FARP1: variants seen among roughly 807,000 people sequenced by gnomAD.
The protein encoded by FARP1 is FERM, ARH/RhoGEF and pleckstrin domain protein 1.
FARP1 carries 52 observed loss-of-function variants against 128.8 expected under a neutral mutation model. The ratio of observed to expected loss-of-function variants is 0.40; its 90% CI spans 0.32 to 0.51. The LOEUF (loss-of-function observed/expected upper bound fraction) is 0.51. FARP1 is among the 20% of genes least tolerant of loss of function. FARP1 has a pLI of 0.45. For synonymous variants in FARP1, 580 were observed against 551.8 expected (o/e 1.05, Z -0.72); for missense variants, 1,333 against 1,367.9 (o/e 0.97, Z 0.40).
chr13:98,161,154 T>C (rs1159489306), intron 1 of FARP1, among the ~76,000 whole-genome samples: 3 of 152,186 alleles, frequency 2.0e-5, no homozygotes, highest in Non-Finnish European at 1.5e-5. Flanking sequence ...TTTTTCAAAT[T>C]GGTAATATAT....
intron 1 of FARP1, among the ~76,000 whole-genome samples, chr13:98,210,168 C>T (rs1170875497): frequency 2.6e-5 from 4 of 151,964 alleles, no homozygotes; most frequent in Admixed American, 6.6e-5. Flanking sequence ...GTGAGTGAGA[C>T]GCAGCTCACA....
chr13:98,147,031 T>C (rs1232257215), intron 1 of FARP1, among the ~76,000 whole-genome samples: 3 of 152,234 alleles, frequency 2.0e-5, no homozygotes, highest in African/African-American at 4.8e-5. Flanking sequence ...TTCAAATTAC[T>C]TGAAATACTG....
intron 2 of FARP1, among the ~76,000 whole-genome samples, chr13:98,236,357 A>G (rs375033757): frequency 6.6e-5 from 10 of 152,346 alleles, no homozygotes; most frequent in East Asian, 5.8e-4. Flanking sequence ...ATGTAAGGCC[A>G]TAAATCTAGT....
At chr13:98,283,074 G>A (rs1219516263) in intron 2 of FARP1, among the ~76,000 whole-genome samples, 3 of 152,094 alleles carry the variant, frequency 2.0e-5, no homozygotes, top group Admixed American at 2.0e-4. Flanking sequence ...GCATTTCTCT[G>A]TATAATGAAG....
chr13:98,424,201 G>C lies in FARP1; in HGVS notation c.1827-371G>C, dbSNP rs1382062857. Among the ~76,000 whole-genome samples, 3 of 152,228 alleles carry C rather than the reference G, an allele frequency of 2.0e-5. No individual in the cohort carries two copies. The East Asian group carries it at 5.8e-4, about 29-fold the overall frequency. ...TCTCTAGGATGGAATCTGTTTACAA[G>C]CTACTTATTGCAAATGATCTCTGTG... is the stretch of plus-strand genomic sequence containing the variant. On this transcript the variant is annotated intron_variant, in intron 16 of 26. Transcript: ENST00000319562.
At chr13:98,342,859 T>C (rs1791823166) in intron 2 of FARP1, among the ~76,000 whole-genome samples, 1 of 151,682 alleles carries the variant, frequency 6.6e-6, no homozygotes, top group South Asian at 2.1e-4. Flanking sequence ...ACCCCATCTC[T>C]ACTAAAAATA....
At chr13:98,159,321 A>G (rs1043290708) in intron 1 of FARP1, among the ~76,000 whole-genome samples, 1 of 152,242 alleles carries the variant, frequency 6.6e-6, no homozygotes, top group Admixed American at 6.5e-5. Context: ...CACACAGCTA[A>G]TAAGTGAAGT....
intron 2 of FARP1, among the ~76,000 whole-genome samples, chr13:98,258,101 G>A (rs1883698287): frequency 6.6e-6 from 1 of 152,074 alleles, no homozygotes; most frequent in Admixed American, 6.6e-5. Flanking sequence ...AGCCTCCCGA[G>A]TAGCTGAGGC....
intron 2 of FARP1, among the ~76,000 whole-genome samples, chr13:98,271,032 T>G (rs1231383395): frequency 3.3e-5 from 5 of 152,220 alleles, no homozygotes; most frequent in Non-Finnish European, 7.3e-5. Flanking sequence ...TCTCTTTTCA[T>G]GAAGACGATT....
At chr13:98,280,482 C>T (rs1301126004) in intron 2 of FARP1, among the ~76,000 whole-genome samples, 5 of 152,224 alleles carry the variant, frequency 3.3e-5, no homozygotes, top group Non-Finnish European at 5.9e-5. Flanking sequence ...ATGTGCTCCC[C>T]GCTCACCCCA....
intron 1 of FARP1, among the ~76,000 whole-genome samples, chr13:98,210,662 GC>G (rs1880642139): frequency 6.6e-6 from 1 of 151,594 alleles, no homozygotes; most frequent in African/African-American, 2.4e-5. Flanking sequence ...CCATTCTCCT[GC>G]CTCAGCCTCC....
At chr13:98,287,851 C>A (rs1279248238) in intron 2 of FARP1, among the ~76,000 whole-genome samples, 12 of 140,602 alleles carry the variant, frequency 8.5e-5, no homozygotes, top group Admixed American at 4.5e-4. Flanking sequence ...CACCAGGCTG[C>A]AGTGCAGTGG....
At chr13:98,374,139 G>T (rs535815987) in intron 5 of FARP1, among the ~76,000 whole-genome samples, 2 of 152,156 alleles carry the variant, frequency 1.3e-5, no homozygotes, top group Admixed American at 6.5e-5. Flanking sequence ...CTAAAATAAG[G>T]TTGGCTAGGC....
chr13:98,331,197 C>G (rs72655165), intron 2 of FARP1, among the ~76,000 whole-genome samples: 4,875 of 152,198 alleles, frequency 0.032, 102 homozygotes, highest in Middle Eastern at 0.065. Context: ...TCTTTTAGTC[C>G]TTCTAGACTG....
At chr13:98,318,478 C>T (rs192117332) in intron 2 of FARP1, among the ~76,000 whole-genome samples, 1 of 152,328 alleles carries the variant, frequency 6.6e-6, no homozygotes, top group African/African-American at 2.4e-5. Flanking sequence ...AGGACTTCGA[C>T]CTGTAAATTT....
intron 5 of FARP1, among the ~76,000 whole-genome samples, chr13:98,377,380 A>C (rs1030106331): frequency 2.1e-5 from 3 of 142,944 alleles, no homozygotes; most frequent in African/African-American, 6.1e-5. Flanking sequence ...ACCACAAAAA[A>C]AAAAAAAAAA....
At chr13:98,379,750 T>C (rs1169609655) in intron 6 of FARP1, among the ~76,000 whole-genome samples, 5 of 152,148 alleles carry the variant, frequency 3.3e-5, no homozygotes, top group African/African-American at 9.7e-5. Flanking sequence ...GTAAATGCTA[T>C]GTAGTTACAT....
intron 2 of FARP1, among the ~76,000 whole-genome samples, chr13:98,237,039 T>C (rs778531913): frequency 6.6e-6 from 1 of 151,456 alleles, no homozygotes; most frequent in African/African-American, 2.4e-5. Flanking sequence ...CGCGTGTGGC[T>C]CATGTCTGTA....
intron 2 of FARP1, among the ~76,000 whole-genome samples, chr13:98,239,011 G>A (rs192060115): frequency 3.3e-5 from 5 of 152,262 alleles, no homozygotes; most frequent in Admixed American, 3.3e-4. Flanking sequence ...CTTCCTGCCT[G>A]GGAAAGTCTG....
Sources: allele counts gnomAD v4.1 joint callset (sites outside exome capture counted in the v4.1 genomes callset), GRCh38; gene constraint gnomAD v4.1.1; transcripts MANE v1.5; gene names NCBI Gene and HGNC (gene_info 2026-07-23, HGNC 2026-07-21).